BIRC6: variants seen among roughly 807,000 people sequenced by gnomAD.
BIRC6 encodes the protein baculoviral IAP repeat containing 6.
BIRC6 carries 98 observed loss-of-function variants against 503.3 expected under a neutral mutation model. That is an observed-to-expected ratio of 0.19 (90% CI 0.17 to 0.23). BIRC6 has a LOEUF of 0.23. Ranked by LOEUF, BIRC6 falls within the 10% of genes least tolerant of loss-of-function variation. The pLI, the probability that BIRC6 is intolerant of heterozygous loss-of-function variation, is 1.00. For missense variants in BIRC6, 5,360 were observed against 5,806.0 expected, an observed-to-expected ratio of 0.92 and a Z score of 2.50; for synonymous variants, 2,240 against 2,078.7, an observed-to-expected ratio of 1.08 and a Z score of -2.11.
intron 66 of BIRC6, among the ~76,000 whole-genome samples, chr2:32,580,189 G>T (rs894464039): frequency 1.3e-5 from 2 of 152,054 alleles, no homozygotes; most frequent in African/African-American, 4.8e-5. Context: ...CCTGACCTCA[G>T]GTAATCCGCC....
At chr2:32,435,409 T>G in intron 13 of BIRC6, 87 bp from the exon 14 acceptor site, 1 of 1,335,192 alleles carries the variant, frequency 7.5e-7, no homozygotes, top group Non-Finnish European at 9.8e-7. Flanking sequence ...ACATAAATCA[T>G]TGATATTAAA....
At chr2:32,538,616 G>A (rs972247867) in intron 61 of BIRC6, among the ~76,000 whole-genome samples, 2 of 152,204 alleles carry the variant, frequency 1.3e-5, no homozygotes, top group Non-Finnish European at 2.9e-5. Flanking sequence ...ATCAAGAGTT[G>A]ATAGAAGATC....
In BIRC6 at chr2:32,524,938, G is replaced by A. The variant is rs3207834; in HGVS notation, c.11674G>A (p.Glu3892Lys). The change falls in exon 58 of 74, where the codon GAA (glutamate) becomes AAA (lysine). Residue 3892 changes from glutamate to lysine, a missense_variant. Glu to Lys is a moderately conservative substitution (Grantham distance 56). This residue lies in a region of BIRC6 where 878 missense variants were observed against 928.9 expected (regional missense o/e 0.95). Transcript: ENST00000421745. ...AATTAGTGAACAAAAAGATGACAAA[G>A]AAAAGAAAAACCATGAAGAGAAAGA... is the stretch of plus-strand genomic sequence containing the variant. ...KLISEQKDDK[E>K]KKNHEEKEKV... 1 of 1,529,298 alleles carries A rather than the reference G, an allele frequency of 6.5e-7. No individual in the cohort carries two copies. The highest frequency in any genetic ancestry group is 8.8e-7 in the Non-Finnish European group (1 of 1,136,474). 94.7% of individuals were successfully genotyped at this position (1,529,298 alleles called of 1,614,324 possible).
At chr2:32,380,896 G>A (rs2037544468) in intron 3 of BIRC6, among the ~76,000 whole-genome samples, 2 of 152,148 alleles carry the variant, frequency 1.3e-5, no homozygotes, top group Admixed American at 1.3e-4. Flanking sequence ...TTCCTTGTTA[G>A]GTTGTGAGCT....
intron 61 of BIRC6, among the ~76,000 whole-genome samples, chr2:32,536,506 G>C (rs963115809): frequency 6.6e-6 from 1 of 152,202 alleles, no homozygotes; most frequent in African/African-American, 2.4e-5. Context: ...AAGGCATCCA[G>C]TTTCAGCTTT....
At chr2:32,538,679 C>T (rs1559005366) in intron 61 of BIRC6, among the ~76,000 whole-genome samples, 1 of 152,190 alleles carries the variant, frequency 6.6e-6, no homozygotes, top group Non-Finnish European at 1.5e-5. Flanking sequence ...GCCAGTAATC[C>T]CAGCACTTTG....
chr2:32,448,697 C>G, intron 21 of BIRC6, 98 bp from the exon 22 acceptor site: 3 of 1,064,662 alleles, frequency 2.8e-6, no homozygotes, highest in Non-Finnish European at 4.1e-6. Context: ...GGAGAGCCCT[C>G]TGCGCTGTTA....
intron 45 of BIRC6, among the ~76,000 whole-genome samples, chr2:32,496,233 CTT>C (rs150687120): frequency 6.9e-6 from 1 of 145,634 alleles, no homozygotes; most frequent in Non-Finnish European, 1.5e-5. Flanking sequence ...AATTCATACA[CTT>C]TTTTTTTTTT....
intron 11 of BIRC6, 38 bp from the exon 12 acceptor site, chr2:32,430,824 TTTC>T: frequency 2.9e-6 from 3 of 1,036,920 alleles, no homozygotes; most frequent in Admixed American, 2.5e-5. Flanking sequence ...TTTTTTTTTT[TTTC>T]CACACCTATT....
chr2:32,375,283 A>G (rs2036573261), intron 1 of BIRC6, among the ~76,000 whole-genome samples: 1 of 152,030 alleles, frequency 6.6e-6, no homozygotes, highest in Non-Finnish European at 1.5e-5. Context: ...ATCTTTTAGT[A>G]TAGTATTGAA....
At chr2:32,501,617 T>A in intron 46 of BIRC6, 96 bp from the exon 47 acceptor site, 4 of 1,016,710 alleles carry the variant, frequency 3.9e-6, no homozygotes, top group Non-Finnish European at 5.6e-6. Flanking sequence ...GTGATCCACC[T>A]GCCTCGGCCT....
chr2:32,599,760 G>C lies in BIRC6; in HGVS notation c.13852G>C (p.Asp4618His), dbSNP rs1282356854. Residue 4618 changes from aspartate (D) to histidine (H), a missense_variant, in exon 70 of 74, where the codon GAC becomes CAC. Around this residue, in one of 16 missense-constraint regions of BIRC6, gnomAD observed 66 missense variants for 113.2 expected, o/e 0.58. Transcript: ENST00000421745. Reference protein sequence around the residue: ...IMKVLITGPADTPYANGCFEF... With the variant: ...IMKVLITGPAHTPYANGCFEF... The stretch of plus-strand genomic sequence containing the variant: ...CCAGGTTCTAATAACTGGTCCAGCG[G>C]ACACCCCTTATGCAAATGGCTGCTT... 6.2e-7 allele frequency: 1 copy of C among 1,613,766 alleles called. No individual in the cohort carries two copies. The highest frequency in any genetic ancestry group is 1.1e-5 in the South Asian group (1 of 91,072).
intron 66 of BIRC6, among the ~76,000 whole-genome samples, chr2:32,592,438 A>G (rs1423984383): frequency 6.6e-6 from 1 of 152,038 alleles, no homozygotes; most frequent in African/African-American, 2.4e-5. Flanking sequence ...GCATGATACT[A>G]TTTTCATTTA....
chr2:32,458,779 C>T (rs951441758), intron 23 of BIRC6, among the ~76,000 whole-genome samples: 16 of 144,956 alleles, frequency 1.1e-4, no homozygotes, highest in Non-Finnish European at 1.5e-4. Context: ...ACTGTAGCCT[C>T]ACCTCCTGGG....
chr2:32,357,061 T>C lies in BIRC6; in HGVS notation c.-101T>C. 9.4e-7 allele frequency: 1 copy of C among 1,065,528 alleles called. No individual in the cohort carries two copies. 66.0% of individuals were successfully genotyped at this position (1,065,528 alleles called of 1,614,324 possible). ...TCTCCCCCTCTCCCGTCAGCCTCCC[T>C]CCGAGTTTGGCCCCTCCGGCCGGGC... is the stretch of plus-strand genomic sequence containing the variant. On this transcript the variant is annotated 5_prime_UTR_variant, in exon 1 of 74. Coordinates refer to ENST00000421745, the MANE Select transcript of BIRC6 (RefSeq NM_016252.4). The surrounding 1 kb of genome is among the most constrained non-coding windows in gnomAD (Gnocchi z 4.9).
At chr2:32,613,777 T>C (rs898723605) in intron 73 of BIRC6, among the ~76,000 whole-genome samples, 3 of 152,264 alleles carry the variant, frequency 2.0e-5, no homozygotes, top group African/African-American at 4.8e-5. Context: ...ATCTGTAGAC[T>C]ATCTTGGCTT....
At chr2:32,405,594 C>G (rs1027993731) in intron 8 of BIRC6, among the ~76,000 whole-genome samples, 1 of 152,052 alleles carries the variant, frequency 6.6e-6, no homozygotes, top group African/African-American at 2.4e-5. Context: ...ATCACAAGGT[C>G]AGGAGATAGA....
At chr2:32,609,160 A>G (rs1345566904) in intron 72 of BIRC6, among the ~76,000 whole-genome samples, 1 of 152,180 alleles carries the variant, frequency 6.6e-6, no homozygotes, top group African/African-American at 2.4e-5. Context: ...TTGGAATTAC[A>G]GGCGTGAGCC....
rs1190662186 is a variant in BIRC6 at position 32,468,650 on chromosome 2, A to G, written c.5994A>G (p.Leu1998=). The change falls in exon 29 of 74, where the codon CTA becomes CTG. Residue 1998 remains leucine (L), a synonymous_variant. Coordinates refer to ENST00000421745, the MANE Select transcript of BIRC6 (RefSeq NM_016252.4). ...CAGTGCAGAGGCTCAAAGTGGCGCTAGGTGCAAGCCGGAAGATGTTGAGTG... is the reference window on the plus strand; with the variant it reads ...CAGTGCAGAGGCTCAAAGTGGCGCTGGGTGCAAGCCGGAAGATGTTGAGTG... ...HNAVQRLKVA[L]GASRKMLSET... 11 of 1,613,920 alleles carry G rather than the reference A, an allele frequency of 6.8e-6. No individual in the cohort carries two copies. The highest frequency in any genetic ancestry group is 8.5e-6 in the Non-Finnish European group (10 of 1,179,882).
Sources: allele counts gnomAD v4.1 joint callset (sites outside exome capture counted in the v4.1 genomes callset), GRCh38; gene constraint gnomAD v4.1.1; regional missense constraint gnomAD v4.1.1; non-coding constraint Gnocchi (gnomAD v3.1); transcripts MANE v1.5; gene names NCBI Gene and HGNC (gene_info 2026-07-23, HGNC 2026-07-21).